Variants in SOX5 observed in about 807,000 individuals in gnomAD.
SOX5 encodes transcription factor SOX-5.
A neutral mutation model predicts 92.0 loss-of-function variants in SOX5; 9 were observed. The ratio of observed to expected loss-of-function variants is 0.10; its 90% confidence interval spans 0.06 to 0.17. The LOEUF (loss-of-function observed/expected upper bound fraction) is 0.17. Among genes scored for constraint, SOX5 ranks in the 10% least tolerant of loss-of-function variants. The pLI is 1.00. For synonymous variants in SOX5, 344 were observed against 336.3 expected (o/e 1.02, Z -0.25); for missense variants, 642 against 944.5 (o/e 0.68, Z 4.20).
At chr12:24,162,825 G>T (rs546753070) in intron 4 of SOX5, among the ~76,000 whole-genome samples, 9 of 152,240 alleles carry the variant, frequency 5.9e-5, no homozygotes, top group Non-Finnish European at 1.0e-4. Flanking sequence ...AACAGGTTTT[G>T]TCAGTTTCAA....
intron 1 of SOX5, among the ~76,000 whole-genome samples, chr12:24,460,047 A>T (rs1301421082): frequency 6.6e-6 from 1 of 152,220 alleles, no homozygotes; most frequent in Non-Finnish European, 1.5e-5. Context: ...GCATCAATGT[A>T]GTGAAGGAGT....
intron 4 of SOX5, among the ~76,000 whole-genome samples, chr12:24,175,257 G>A (rs898691506): frequency 1.3e-5 from 2 of 152,196 alleles, no homozygotes; most frequent in African/African-American, 4.8e-5. Flanking sequence ...TTTGCACATA[G>A]TATTTTCAGT....
chr12:24,094,354 T>C (rs943594066), intron 4 of SOX5, among the ~76,000 whole-genome samples: 3 of 152,192 alleles, frequency 2.0e-5, no homozygotes, highest in Non-Finnish European at 4.4e-5. Flanking sequence ...ATTACCTTTG[T>C]CTGTTTTGCT....
At chr12:23,766,820 G>A (rs961465670) in intron 3 of SOX5, among the ~76,000 whole-genome samples, 24 of 151,882 alleles carry the variant, frequency 1.6e-4, no homozygotes, top group Non-Finnish European at 3.1e-4. Context: ...AACTGCTAAG[G>A]GGATAATATT....
At chr12:24,248,066 T>A (rs932888378) in intron 3 of SOX5, among the ~76,000 whole-genome samples, 2 of 152,224 alleles carry the variant, frequency 1.3e-5, no homozygotes, top group African/African-American at 4.8e-5. Flanking sequence ...GCGGAGCTTA[T>A]CATTCAAGAT....
intron 1 of SOX5, among the ~76,000 whole-genome samples, chr12:24,489,720 G>A (rs1051197460): frequency 2.6e-5 from 4 of 152,066 alleles, no homozygotes; most frequent in Admixed American, 6.6e-5. Context: ...ACACATACCC[G>A]TTTTCAGGTG....
At chr12:23,662,080 C>T (rs904475597) in intron 7 of SOX5, among the ~76,000 whole-genome samples, 2 of 151,784 alleles carry the variant, frequency 1.3e-5, no homozygotes, top group Admixed American at 1.3e-4. Flanking sequence ...CTGATTAAAC[C>T]AGTGTTTTCA....
intron 4 of SOX5, among the ~76,000 whole-genome samples, chr12:23,964,227 A>C (rs1219956079): frequency 1.3e-5 from 2 of 152,200 alleles, no homozygotes; most frequent in Non-Finnish European, 2.9e-5. Flanking sequence ...AAATATTTAT[A>C]ATATGTTCCA....
rs143533488 is a variant in SOX5 at position 23,649,943 on chromosome 12, T to G, written c.932-9046A>C. Among the ~76,000 whole-genome samples, 32 of 152,266 alleles carry G rather than the reference T, an allele frequency of 2.1e-4. No individual in the cohort carries two copies. The East Asian group carries it at 3.1e-3, about 15-fold the overall frequency. The stretch of plus-strand genomic sequence containing the variant: ...CATCTACTGAACTAATGCAAAAGTT[T>G]TGGACAGTTTTATGGCATTATCTTC... On this transcript the variant is annotated intron_variant, in intron 7 of 14. Transcript: ENST00000451604.
chr12:23,920,843 CT>C (rs1938005471), intron 1 of SOX5, among the ~76,000 whole-genome samples: 1 of 151,946 alleles, frequency 6.6e-6, no homozygotes, highest in African/African-American at 2.4e-5. Flanking sequence ...CAAAAGTATC[CT>C]GTTTACAAGG....
At chr12:24,084,918 C>A (rs1042089684) in intron 4 of SOX5, among the ~76,000 whole-genome samples, 2 of 151,964 alleles carry the variant, frequency 1.3e-5, no homozygotes, top group African/African-American at 4.8e-5. Context: ...CTAACAGAAA[C>A]CTTTAAGTGA....
intron 4 of SOX5, among the ~76,000 whole-genome samples, chr12:24,200,546 A>AG (rs1164687054): frequency 6.6e-6 from 1 of 152,124 alleles, no homozygotes; most frequent in Non-Finnish European, 1.5e-5. Flanking sequence ...ACTCATATAT[A>AG]GGGACAACAT....
intron 1 of SOX5, among the ~76,000 whole-genome samples, chr12:24,386,974 A>T (rs922143893): frequency 6.6e-6 from 1 of 152,230 alleles, no homozygotes; most frequent in Non-Finnish European, 1.5e-5. Flanking sequence ...AGGGCATATC[A>T]GTGGTTTATT....
chr12:24,073,707 T>C (rs1302588108), intron 4 of SOX5, among the ~76,000 whole-genome samples: 1 of 152,180 alleles, frequency 6.6e-6, no homozygotes, highest in Non-Finnish European at 1.5e-5. Flanking sequence ...TATTAGAAAC[T>C]AGAATTTTTC....
chr12:24,215,117 A>G (rs1959062587), intron 3 of SOX5, among the ~76,000 whole-genome samples: 1 of 152,160 alleles, frequency 6.6e-6, no homozygotes, highest in Admixed American at 6.5e-5. Context: ...TCAACCTAGT[A>G]AAGACCATCT....
chr12:23,975,611 A>G (rs1013145024), intron 4 of SOX5, among the ~76,000 whole-genome samples: 7 of 152,264 alleles, frequency 4.6e-5, no homozygotes, highest in African/African-American at 1.7e-4. Flanking sequence ...TCTAGAGCCA[A>G]ACTATCTGGG....
chr12:23,585,380 T>C (rs1030013904), intron 9 of SOX5, among the ~76,000 whole-genome samples: 29 of 152,168 alleles, frequency 1.9e-4, no homozygotes, highest in African/African-American at 7.0e-4. Flanking sequence ...TCAGGAACTA[T>C]TTAGCCACAG....
At chr12:23,983,198 C>T (rs1375719959) in intron 4 of SOX5, among the ~76,000 whole-genome samples, 3 of 151,884 alleles carry the variant, frequency 2.0e-5, no homozygotes. Flanking sequence ...CCATCCTACC[C>T]ACTGCTTTAT....
chr12:23,762,484 A>G (rs989111612), intron 3 of SOX5: 3 of 428,072 alleles, frequency 7.0e-6, no homozygotes, highest in African/African-American at 6.1e-5. Context: ...ATTAAGATTT[A>G]GATAAGCTTT....
Sources: allele counts gnomAD v4.1 joint callset (sites outside exome capture counted in the v4.1 genomes callset), GRCh38; gene constraint gnomAD v4.1.1; transcripts MANE v1.5; gene names NCBI Gene and HGNC (gene_info 2026-07-23, HGNC 2026-07-21).